PLCG2: variants seen among roughly 807,000 people sequenced by gnomAD.
PLCG2 encodes the protein 1-phosphatidylinositol 4,5-bisphosphate phosphodiesterase gamma-2.
Under a neutral mutation model 175.6 loss-of-function variants are expected in PLCG2, and 69 were observed. That is an observed-to-expected ratio of 0.39 (90% CI 0.32 to 0.48). PLCG2 has a LOEUF of 0.48. Among genes scored for constraint, PLCG2 ranks in the 20% least tolerant of loss-of-function variants. The pLI is 0.91. For missense variants in PLCG2, 1,798 were observed against 1,650.9 expected (o/e 1.09, Z -1.54); for synonymous variants, 827 against 624.0 (o/e 1.33, Z -4.85).
At chr16:81,847,910 C>A (rs992351857) in intron 2 of PLCG2, among the ~76,000 whole-genome samples, 2 of 152,096 alleles carry the variant, frequency 1.3e-5, no homozygotes, top group African/African-American at 4.8e-5. Context: ...GGAACCGATC[C>A]CCAACAGTCA....
chr16:81,826,022 C>T (rs1361527878), intron 2 of PLCG2, among the ~76,000 whole-genome samples: 2 of 152,130 alleles, frequency 1.3e-5, no homozygotes, highest in African/African-American at 2.4e-5. Context: ...TGTCTGGTCG[C>T]ACTGGGTATC....
intron 19 of PLCG2, among the ~76,000 whole-genome samples, chr16:81,914,947 C>T (rs775323947): frequency 1.3e-5 from 2 of 152,154 alleles, no homozygotes; most frequent in African/African-American, 2.4e-5. Flanking sequence ...CTTCCCTGGT[C>T]TCTACCCACT....
In PLCG2 at chr16:81,937,776, A is replaced by G. The variant is rs1052552095; in HGVS notation, c.3071A>G (p.Asn1024Ser). ...TTCCCAGATAAGTACATGCAGATGA[A>G]TCACGCATTGTTTTCTCTCAATGGG... ...FQTADKYMQM[N>S]HALFSLNGRT... Residue 1024 changes from asparagine (N) to serine (S), a missense_variant, in exon 28 of 33, where the codon AAT (asparagine) becomes AGT (serine). Asn to Ser is a conservative substitution (Grantham distance 46). Coordinates refer to ENST00000564138, the MANE Select transcript of PLCG2 (RefSeq NM_002661.5). 16 of 1,614,056 alleles carry G rather than the reference A, an allele frequency of 9.9e-6. No homozygotes were observed. Among genetic ancestry groups the G allele is most frequent in the Non-Finnish European group, 1.4e-5 (16 of 1,179,968 alleles).
intron 17 of PLCG2, among the ~76,000 whole-genome samples, chr16:81,909,841 T>C (rs1909539102): frequency 1.3e-5 from 2 of 152,160 alleles, no homozygotes; most frequent in Admixed American, 1.3e-4. Flanking sequence ...CTCTTTGAGG[T>C]GGATACTGTT....
intron 26 of PLCG2, 21 bp downstream of exon 26, chr16:81,934,552 A>G (rs986277208): frequency 2.2e-6 from 3 of 1,383,080 alleles, no homozygotes; most frequent in African/African-American, 2.8e-5. Context: ...TCCCAAGAAC[A>G]TGCCCTATAA....
At chr16:81,932,177 T>C (rs1461773147) in intron 25 of PLCG2, among the ~76,000 whole-genome samples, 1 of 152,110 alleles carries the variant, frequency 6.6e-6, no homozygotes. Flanking sequence ...AGTCTCTGGC[T>C]GGAAGTGTTT....
At chr16:81,808,168 G>A (rs939942698) in intron 2 of PLCG2, among the ~76,000 whole-genome samples, 4 of 152,238 alleles carry the variant, frequency 2.6e-5, no homozygotes, top group South Asian at 4.1e-4. Flanking sequence ...GAGTGGAATT[G>A]CTGGGCCATG....
intron 2 of PLCG2, among the ~76,000 whole-genome samples, chr16:81,829,779 G>A (rs1905188551): frequency 6.6e-6 from 1 of 152,194 alleles, no homozygotes; most frequent in Non-Finnish European, 1.5e-5. Context: ...ACTCTCTCCT[G>A]CTGGGCATTT....
At chr16:81,922,741 A>G (rs1323775374) in intron 21 of PLCG2, among the ~76,000 whole-genome samples, 1 of 152,206 alleles carries the variant, frequency 6.6e-6, no homozygotes, top group Non-Finnish European at 1.5e-5. Flanking sequence ...GAAGCTGCTC[A>G]TTTAAACAGG....
chr16:81,844,045 C>T (rs569244176), intron 2 of PLCG2, among the ~76,000 whole-genome samples: 3 of 138,280 alleles, frequency 2.2e-5, no homozygotes, highest in African/African-American at 8.1e-5. Flanking sequence ...GGTGTGACGT[C>T]GGCTCACTAC....
chr16:81,928,432 G>A, intron 23 of PLCG2, 126 bp from the exon 24 acceptor site: 1 of 680,366 alleles, frequency 1.5e-6, no homozygotes. Flanking sequence ...GACGTATCTG[G>A]TAATGAAAAT....
Position 81,840,174 on chromosome 16 carries a change from C to T in PLCG2, c.194-14270C>T, listed in dbSNP as rs1409631609. On this transcript the variant is annotated intron_variant, in intron 2 of 32. Coordinates refer to ENST00000564138, the MANE Select transcript of PLCG2 (RefSeq NM_002661.5). ...TGGAAATGATTGAGAAATGAAACAT[C>T]GGCAATCAACGAAGGGCGATGAGAT... 5.3e-5 allele frequency among the ~76,000 whole-genome samples: 8 copies of T among 152,288 alleles called. No homozygotes were observed. The South Asian group carries it at 1.0e-3, about 20-fold the overall frequency.
chr16:81,948,141 G>C (rs1911222820), intron 31 of PLCG2, among the ~76,000 whole-genome samples: 1 of 152,076 alleles, frequency 6.6e-6, no homozygotes, highest in Non-Finnish European at 1.5e-5. Flanking sequence ...ATTTCCCAAG[G>C]CTAGATATTT....
chr16:81,814,550 C>G (rs927735629), intron 2 of PLCG2, among the ~76,000 whole-genome samples: 2 of 152,086 alleles, frequency 1.3e-5, no homozygotes, highest in Non-Finnish European at 2.9e-5. Context: ...CGAAAATTAG[C>G]CAGGCATGGT....
At chr16:81,766,969 G>A in intron 2 of PLCG2, 1 of 152,218 alleles carries the variant, frequency 6.6e-6, no homozygotes, top group Non-Finnish European at 1.5e-5. Context: ...ATCCCCAGGA[G>A]GAAGTCCAAA....
At chr16:81,792,394 T>A (rs1268682413) in intron 2 of PLCG2, among the ~76,000 whole-genome samples, 1 of 145,496 alleles carries the variant, frequency 6.9e-6, no homozygotes, top group Non-Finnish European at 1.5e-5. Flanking sequence ...AGGCACAGAA[T>A]TGCTTGAATG....
At position 81,900,796 on chromosome 16, in the gene PLCG2, G is replaced by T. The variant is rs757689620; in HGVS notation, c.1362+16G>T. 3 of 1,586,778 alleles carry T rather than the reference G, an allele frequency of 1.9e-6. No homozygotes were observed. In the South Asian group the frequency reaches 3.3e-5, roughly 18 times the overall value. On this transcript the variant is annotated intron_variant, in intron 14 of 32. Coordinates refer to ENST00000564138, the MANE Select transcript of PLCG2 (RefSeq NM_002661.5). ...CATCATCAAGGTAGGCACCCCGGGTGCTGCTGTTGGCTGTCCAGGGAGCCC... is the reference window on the plus strand; with the variant it reads ...CATCATCAAGGTAGGCACCCCGGGTTCTGCTGTTGGCTGTCCAGGGAGCCC...
intron 1 of PLCG2, among the ~76,000 whole-genome samples, chr16:81,779,778 C>A (rs1910646622): frequency 6.6e-6 from 1 of 152,156 alleles, no homozygotes; most frequent in African/African-American, 2.4e-5. Context: ...TGGGGTGGCG[C>A]CGTCTCTCTT....
intron 2 of PLCG2, among the ~76,000 whole-genome samples, chr16:81,759,225 T>C (rs1909990277): frequency 6.6e-6 from 1 of 152,202 alleles, no homozygotes; most frequent in Non-Finnish European, 1.5e-5. Flanking sequence ...TTTGCAAATA[T>C]TCTTTCCTAT....
Sources: allele counts gnomAD v4.1 joint callset (sites outside exome capture counted in the v4.1 genomes callset), GRCh38; gene constraint gnomAD v4.1.1; transcripts MANE v1.5; gene names NCBI Gene and HGNC (gene_info 2026-07-23, HGNC 2026-07-21).